The following SMYD5 variants were observed in gnomAD, a reference collection of about 807,000 sequenced individuals.
SMYD5 encodes SMYD family member 5.
In SMYD5, 35 loss-of-function variants were observed where a neutral mutation model predicts 57.4. The ratio of observed to expected loss-of-function variants is 0.61; its 90% confidence interval spans 0.47 to 0.81. The LOEUF is 0.81. Ranked by LOEUF, SMYD5 falls within the 30% of genes least tolerant of loss-of-function variation. SMYD5 has a pLI of 0.00. For missense variants in SMYD5, 471 were observed against 527.9 expected (o/e 0.89, Z 1.06); for synonymous variants, 198 against 189.7 (o/e 1.04, Z -0.36).
At chr2:73,220,006 G>A in intron 2 of SMYD5, 45 bp from the exon 3 acceptor site, 1 of 1,613,424 alleles carries the variant, frequency 6.2e-7, no homozygotes, top group South Asian at 1.1e-5. Flanking sequence ...GGATAGATGT[G>A]GCCTCTGCTC....
intron 5 of SMYD5, 51 bp from the exon 6 acceptor site, chr2:73,221,775 C>T (rs1489472116): frequency 7.8e-7 from 1 of 1,275,062 alleles, no homozygotes; most frequent in Non-Finnish European, 1.1e-6. Flanking sequence ...GGCGGGAGTG[C>T]CAGTGAGAAG....
chr2:73,222,151 C>T (rs1323792953), intron 6 of SMYD5, among the ~76,000 whole-genome samples: 1 of 152,210 alleles, frequency 6.6e-6, no homozygotes, highest in African/African-American at 2.4e-5. Flanking sequence ...AGAGGAAGGG[C>T]ATGTCAGATG....
intron 1 of SMYD5, among the ~76,000 whole-genome samples, chr2:73,215,710 GCA>G (rs1686283096): frequency 6.6e-6 from 1 of 151,954 alleles, no homozygotes; most frequent in Admixed American, 6.5e-5. Context: ...CACTCTCCTT[GCA>G]CAGTTTTCCT....
intron 1 of SMYD5, among the ~76,000 whole-genome samples, chr2:73,217,420 T>G (rs1333267623): frequency 6.6e-6 from 1 of 152,244 alleles, no homozygotes; most frequent in East Asian, 1.9e-4. Flanking sequence ...TGTCCAATAT[T>G]GAAATTTGAG....
Position 73,221,220 on chromosome 2 carries a change from G to A in SMYD5, c.523G>A (p.Ala175Thr), listed in dbSNP as rs1263035945. ...CATCATGTTGATGGCTAGGATGGTG[G>A]CCACAGTGAAGCAGGTGAGCCCACC... The part of the protein sequence containing the change: ...ASIMLMARMV[A>T]TVKQAKDKDR... Residue 175 changes from alanine to threonine, a missense_variant, in exon 5 of 13, where the codon GCC (alanine) becomes ACC (threonine). Ala to Thr is a moderately conservative substitution (Grantham distance 58). Transcript: ENST00000389501. 6.2e-7 allele frequency: 1 copy of A among 1,613,766 alleles called. No individual in the cohort carries two copies. Among genetic ancestry groups the A allele is most frequent in the African/African-American group, 1.3e-5 (1 of 74,854 alleles).
chr2:73,220,338 A>T, intron 3 of SMYD5, 148 bp downstream of exon 3: 1 of 954,044 alleles, frequency 1.0e-6, no homozygotes, highest in East Asian at 2.6e-5. Flanking sequence ...AGGCTTGGTT[A>T]TTGTTCCAGT....
rs1686494770 is a variant in SMYD5 at position 73,225,977 on chromosome 2, A to G, written c.*31A>G. The G allele has an allele frequency of 3.2e-6, 5 of 1,575,716 alleles. No homozygotes were observed. In the East Asian group the frequency reaches 1.1e-4, roughly 36 times the overall value. Reference sequence around the variant, plus strand: ...CCCTGCCCAGAAAGGGCCCTGCCCTAGACCCTGCCAGAAAAGGGGGCTCTT... The same window carrying G: ...CCCTGCCCAGAAAGGGCCCTGCCCTGGACCCTGCCAGAAAAGGGGGCTCTT... On this transcript the variant is annotated 3_prime_UTR_variant, in exon 13 of 13. Coordinates refer to ENST00000389501, the MANE Select transcript of SMYD5 (RefSeq NM_006062.3).
At chr2:73,221,255 C>T (rs187265582) in intron 5 of SMYD5, 21 bp downstream of exon 5, 44 of 1,607,342 alleles carry the variant, frequency 2.7e-5, no homozygotes, top group South Asian at 2.5e-4. Flanking sequence ...CCAACCCTCT[C>T]GGGGAAGCTG....
intron 3 of SMYD5, 25 bp from the exon 4 acceptor site, chr2:73,220,636 T>C (rs1364042750): frequency 6.2e-7 from 1 of 1,613,640 alleles, no homozygotes; most frequent in Non-Finnish European, 8.5e-7. Flanking sequence ...GATCCTTGGG[T>C]ACTGACCTCT....
At chr2:73,220,834 T>C (rs1460604043) in intron 4 of SMYD5, 52 bp downstream of exon 4, 1 of 1,595,306 alleles carries the variant, frequency 6.3e-7, no homozygotes, top group Non-Finnish European at 8.6e-7. Context: ...CCTGGTTGCC[T>C]GCCTGGGCTC....
At position 73,223,024 on chromosome 2, in the gene SMYD5, T is replaced by C. The variant is rs375377510; in HGVS notation, c.706-12T>C. The C allele has an allele frequency of 1.3e-4, 211 of 1,613,234 alleles. 2 individuals carry two copies. In the African/African-American group the frequency reaches 2.5e-3, roughly 19 times the overall value. On this transcript the variant is annotated splice_polypyrimidine_tract_variant and intron_variant, in intron 7 of 12. Coordinates refer to ENST00000389501, the MANE Select transcript of SMYD5 (RefSeq NM_006062.3). The stretch of plus-strand genomic sequence containing the variant: ...GCTGTAATGAGCACTCATCTCTTTT[T>C]TCCCCCCACAGTGGTTCACTCCAGA...
chr2:73,222,829 G>C lies in SMYD5; in HGVS notation c.705+12G>C, dbSNP rs771032333. 6.2e-7 allele frequency: 1 copy of C among 1,613,452 alleles called. No homozygotes were observed. The highest frequency in any genetic ancestry group is 1.7e-5 in the Admixed American group (1 of 59,996). ...AAGCAGTCAGCCAGGTGAGTGAGGA[G>C]AGGGTGGGACCAGTGGCCTCCTTGT... On this transcript the variant is annotated intron_variant, in intron 7 of 12. Transcript: ENST00000389501.
At chr2:73,219,877 A>T (rs1206776622) in intron 2 of SMYD5, 174 bp from the exon 3 acceptor site, 1 of 815,478 alleles carries the variant, frequency 1.2e-6, no homozygotes, top group Non-Finnish European at 2.1e-6. Flanking sequence ...TGCACATGAA[A>T]TAAATTCATT....
intron 1 of SMYD5, 62 bp downstream of exon 1, chr2:73,214,424 C>T: frequency 1.2e-6 from 2 of 1,609,290 alleles, no homozygotes; most frequent in Non-Finnish European, 1.7e-6. Flanking sequence ...GACAGCCCGG[C>T]CGGACTCCAT....
rs1686514133 is a variant in SMYD5, at chr2:73,226,623, G to C, written c.*677G>C. ...CTCGTGCCTTGCCTCTCAGGACCTG[G>C]CACAGTGGCTGGCCTTATGGAGTAT... On this transcript the variant is annotated 3_prime_UTR_variant, in exon 13 of 13. Coordinates refer to ENST00000389501, the MANE Select transcript of SMYD5 (RefSeq NM_006062.3). The C allele has an allele frequency of 6.5e-6, 1 of 153,250 alleles. No homozygotes were observed. Among genetic ancestry groups the C allele is most frequent in the African/African-American group, 2.4e-5 (1 of 41,444 alleles). 9.5% of individuals were successfully genotyped at this position (153,250 alleles called of 1,614,324 possible). A position where few individuals can be genotyped will look rare whatever the true frequency, so the allele number is the denominator to read the frequency against.
Position 73,218,912 on chromosome 2 carries a change from G to A in SMYD5, c.148G>A (p.Val50Ile), listed in dbSNP as rs762875553. ...CATCCGGAAGGGGGAGACCATCTTC[G>A]TAGAACGGCCCCTGGTGGCTGCACA... ...QLIRKGETIF[V>I]ERPLVAAQFL... Residue 50 changes from valine to isoleucine, a missense_variant, in exon 2 of 13, where the codon GTA becomes ATA. Transcript: ENST00000389501. 1.9e-5 allele frequency: 30 copies of A among 1,614,064 alleles called. No homozygotes were observed. Among genetic ancestry groups the A allele is most frequent in the Non-Finnish European group, 2.0e-5 (24 of 1,180,034 alleles).
At position 73,223,276 on chromosome 2, in the gene SMYD5, C is replaced by G. The variant is rs547580070; in HGVS notation, c.777-150C>G. The stretch of plus-strand genomic sequence containing the variant: ...AGGCATTGGAATCTGTTTTGGGGAG[C>G]CTCTGTTGGGGAAGATGGGCCCCCA... On this transcript the variant is annotated intron_variant, in intron 8 of 12. Transcript: ENST00000389501. The G allele has an allele frequency of 9.8e-6, 8 of 819,910 alleles. 1 individual carries two copies. The East Asian group carries it at 2.0e-4, about 20-fold the overall frequency. The allele number at this position is 819,910 out of a possible 1,614,324, so 50.8% of individuals were successfully genotyped here.
At chr2:73,220,016 C>T in intron 2 of SMYD5, 35 bp from the exon 3 acceptor site, 1 of 1,614,044 alleles carries the variant, frequency 6.2e-7, no homozygotes, top group Non-Finnish European at 8.5e-7. Flanking sequence ...GGCCTCTGCT[C>T]TCAAGATATT....
At chr2:73,219,848 G>T in intron 2 of SMYD5, 1 of 687,784 alleles carries the variant, frequency 1.5e-6, no homozygotes. Context: ...GAGGGAGGAG[G>T]GGATCATCTG....
Sources: gnomAD v4.1 joint callset for allele counts (sites outside exome capture counted in the v4.1 genomes callset) on GRCh38, gnomAD v4.1.1 for gene constraint, MANE v1.5 for transcripts, NCBI Gene and HGNC (gene_info 2026-07-23, HGNC 2026-07-21) for gene names.